BAZ1A: variants seen among roughly 807,000 people sequenced by gnomAD.
The protein encoded by BAZ1A is bromodomain adjacent to zinc finger domain 1A, also known as bromodomain adjacent to zinc finger domain protein 1A.
BAZ1A carries 50 observed loss-of-function variants against 185.2 expected under a neutral mutation model. The ratio of observed to expected loss-of-function variants is 0.27; its 90% CI spans 0.22 to 0.34. The LOEUF (loss-of-function observed/expected upper bound fraction) is 0.34, where lower values mean the gene tolerates loss of function less well. BAZ1A is among the 10% of genes least tolerant of loss of function. BAZ1A has a pLI of 1.00. For missense variants in BAZ1A, 1,356 were observed against 1,839.9 expected (o/e 0.74, Z 4.81); for synonymous variants, 571 against 615.6 (o/e 0.93, Z 1.07).
chr14:34,815,080 C>T (rs2041986720), intron 4 of BAZ1A, among the ~76,000 whole-genome samples: 1 of 152,066 alleles, frequency 6.6e-6, no homozygotes, highest in South Asian at 2.1e-4. Flanking sequence ...TGGCCACAGA[C>T]TATATCTTAA....
intron 3 of BAZ1A, among the ~76,000 whole-genome samples, chr14:34,849,557 T>G (rs74767784): frequency 2.9e-4 from 44 of 152,290 alleles, no homozygotes; most frequent in African/African-American, 9.9e-4. Flanking sequence ...TTTAAAAAAT[T>G]TATAAACTTT....
Position 34,758,799 on chromosome 14 carries a change from C to T in BAZ1A, c.4291G>A (p.Gly1431Arg). 6.2e-7 allele frequency: 1 copy of T among 1,614,176 alleles called. No homozygotes were observed. Among genetic ancestry groups the T allele is most frequent in the Non-Finnish European group, 8.5e-7 (1 of 1,180,028 alleles). The change falls in exon 25 of 27, where the codon GGA becomes AGA. Residue 1431 changes from glycine to arginine, a missense_variant. Coordinates refer to ENST00000360310, the MANE Select transcript of BAZ1A (RefSeq NM_013448.3). ...LGRRSSGRQGGVHELSAFEQL... is the reference protein window; with the variant it reads ...LGRRSSGRQGRVHELSAFEQL... ...TCAAAAGCAGACAATTCATGAACTCCTCCCTGTCGGCCAGAACTCCTTCGA... is the reference window on the plus strand; with the variant it reads ...TCAAAAGCAGACAATTCATGAACTCTTCCCTGTCGGCCAGAACTCCTTCGA...
chr14:34,777,431 A>T (rs1879708382), intron 17 of BAZ1A, among the ~76,000 whole-genome samples: 5 of 151,448 alleles, frequency 3.3e-5, no homozygotes. Context: ...ATCACCTGAC[A>T]TCAGGAGTTC....
chr14:34,819,727 A>G (rs1400858688), intron 4 of BAZ1A, among the ~76,000 whole-genome samples: 1 of 152,250 alleles, frequency 6.6e-6, no homozygotes, highest in African/African-American at 2.4e-5. Flanking sequence ...TAATGCTACT[A>G]TAAACATCCA....
At chr14:34,864,701 A>T (rs1594915492) in intron 2 of BAZ1A, among the ~76,000 whole-genome samples, 1 of 144,532 alleles carries the variant, frequency 6.9e-6, no homozygotes, top group Non-Finnish European at 1.5e-5. Flanking sequence ...CGAACTCCTG[A>T]CCTCGTGATC....
intron 12 of BAZ1A, among the ~76,000 whole-genome samples, chr14:34,789,241 A>C (rs1880689293): frequency 6.6e-6 from 1 of 152,218 alleles, no homozygotes; most frequent in African/African-American, 2.4e-5. Flanking sequence ...ATCCTGCAGC[A>C]ATCACCACAT....
At position 34,776,187 on chromosome 14, in the gene BAZ1A, T is replaced by C; in HGVS notation, c.2565A>G (p.Val855=). The change falls in exon 18 of 27, where the codon GTA becomes GTG. Residue 855 remains valine, a synonymous_variant. Transcript: ENST00000360310. ...QNNVQSQDPQ[V]STKTGEPLMS... ...TCAAAGGCTCTCCAGTTTTAGTGGATACCTGAGGATCTTGAGACTGTACAT... is the reference window on the plus strand; with the variant it reads ...TCAAAGGCTCTCCAGTTTTAGTGGACACCTGAGGATCTTGAGACTGTACAT... The C allele has an allele frequency of 6.2e-7, 1 of 1,614,208 alleles. No homozygotes were observed. The highest frequency in any genetic ancestry group is 1.3e-5 in the African/African-American group (1 of 75,062).
At chr14:34,774,195 C>T in intron 19 of BAZ1A, 132 bp downstream of exon 19, 1 of 671,626 alleles carries the variant, frequency 1.5e-6, no homozygotes, top group Non-Finnish European at 2.3e-6. Context: ...CTTAAGTTTT[C>T]ATAAAAAATT....
At chr14:34,826,265 A>G in intron 3 of BAZ1A, 109 bp from the exon 4 acceptor site, 2 of 1,055,574 alleles carry the variant, frequency 1.9e-6, no homozygotes, top group Non-Finnish European at 2.7e-6. Context: ...TGCAGAGGCT[A>G]TAGCTGATTG....
chr14:34,756,399 G>A (rs1430976509), intron 25 of BAZ1A, among the ~76,000 whole-genome samples: 1 of 142,542 alleles, frequency 7.0e-6, no homozygotes, highest in East Asian at 2.1e-4. Context: ...ACAGGCATGA[G>A]CCACTGTGCC....
chr14:34,783,661 C>G, intron 15 of BAZ1A, 101 bp downstream of exon 15: 1 of 1,417,790 alleles, frequency 7.1e-7, no homozygotes, highest in Non-Finnish European at 9.5e-7. Flanking sequence ...CATCAAACAT[C>G]AGTATAATGA....
At chr14:34,858,722 C>T (rs998070548) in intron 3 of BAZ1A, among the ~76,000 whole-genome samples, 20 of 149,522 alleles carry the variant, frequency 1.3e-4, no homozygotes, top group East Asian at 1.2e-3. Context: ...AAAGTTGGGG[C>T]GAGGGTGGGG....
chr14:34,781,022 T>C (rs1879999789), intron 16 of BAZ1A, among the ~76,000 whole-genome samples: 1 of 152,062 alleles, frequency 6.6e-6, no homozygotes. Context: ...AATTCAGAAA[T>C]AGTAAACAGG....
rs1189618008 is a variant in BAZ1A, at chr14:34,765,231, C to G, written c.3339G>C (p.Leu1113=). ...SDSGRSYKTV[L]DRWRESLLSS... ...AAAGGAGAGACTCTCTCCAACGGTCCAGAACTGTTTTATAAGAACGCCCAC... is the reference window on the plus strand; with the variant it reads ...AAAGGAGAGACTCTCTCCAACGGTCGAGAACTGTTTTATAAGAACGCCCAC... Residue 1113 remains leucine (L), a synonymous_variant, in exon 22 of 27, where the codon CTG becomes CTC. Coordinates refer to ENST00000360310, the MANE Select transcript of BAZ1A (RefSeq NM_013448.3). The G allele has an allele frequency of 6.2e-7, 1 of 1,614,082 alleles. No individual in the cohort carries two copies. Among genetic ancestry groups the G allele is most frequent in the East Asian group, 2.2e-5 (1 of 44,876 alleles).
chr14:34,839,543 A>G (rs901993535), intron 3 of BAZ1A, among the ~76,000 whole-genome samples: 1 of 148,924 alleles, frequency 6.7e-6, no homozygotes, highest in Non-Finnish European at 1.5e-5. Flanking sequence ...ATCTTTCAAA[A>G]AAAAAAAAAA....
chr14:34,806,899 A>G (rs1027694723), intron 6 of BAZ1A, among the ~76,000 whole-genome samples: 2 of 151,356 alleles, frequency 1.3e-5, no homozygotes, highest in South Asian at 2.1e-4. Flanking sequence ...ACAGTTACCC[A>G]CCACCACACC....
chr14:34,778,852 ATATTTT>A (rs1049108277), intron 17 of BAZ1A, among the ~76,000 whole-genome samples: 37 of 152,082 alleles, frequency 2.4e-4, no homozygotes, highest in Middle Eastern at 3.4e-3. Flanking sequence ...GTTCTTTACT[ATATTTT>A]TATTTTATTT....
chr14:34,818,884 G>A (rs1342572982), intron 4 of BAZ1A, among the ~76,000 whole-genome samples: 1 of 152,166 alleles, frequency 6.6e-6, no homozygotes, highest in African/African-American at 2.4e-5. Context: ...GCTCAAGCCT[G>A]TAATACCAGC....
intron 3 of BAZ1A, among the ~76,000 whole-genome samples, chr14:34,826,652 T>C (rs906111594): frequency 6.6e-6 from 1 of 152,228 alleles, no homozygotes; most frequent in Non-Finnish European, 1.5e-5. Flanking sequence ...TTTCACAAAT[T>C]TGTGAATTTT....
Sources: gnomAD v4.1 joint callset for allele counts (sites outside exome capture counted in the v4.1 genomes callset) on GRCh38, gnomAD v4.1.1 for gene constraint, MANE v1.5 for transcripts, NCBI Gene and HGNC (gene_info 2026-07-23, HGNC 2026-07-21) for gene names.